The following C2CD3 variants were observed in gnomAD, a reference collection of about 807,000 sequenced individuals.
C2CD3 encodes C2 domain containing 3 centriole elongation regulator.
C2CD3 carries 148 observed loss-of-function variants against 234.0 expected under a neutral mutation model. The ratio of observed to expected loss-of-function variants is 0.63; its 90% CI spans 0.55 to 0.72. The LOEUF (loss-of-function observed/expected upper bound fraction) is 0.72. Among genes scored for constraint, C2CD3 ranks in the 30% least tolerant of loss-of-function variants. The probability of loss-of-function intolerance (pLI) is 0.00; values close to 1 mark genes in which losing one functional copy is unlikely to be tolerated. For missense variants in C2CD3, 2,577 were observed against 2,811.5 expected (o/e 0.92, Z 1.89); for synonymous variants, 1,000 against 1,035.4 (o/e 0.97, Z 0.66).
At chr11:74,117,498 C>G (rs905418213) in intron 9 of C2CD3, among the ~76,000 whole-genome samples, 4 of 149,952 alleles carry the variant, frequency 2.7e-5, no homozygotes, top group African/African-American at 9.8e-5. Context: ...AACAGAAAAC[C>G]AAATATCATA....
Position 74,064,507 on chromosome 11 carries a change from T to G in C2CD3, c.4952-6963A>C, listed in dbSNP as rs367991398. On this transcript the variant is annotated intron_variant, in intron 24 of 32. Coordinates refer to ENST00000334126, the MANE Select transcript of C2CD3 (RefSeq NM_001286577.2). ...AATGGCCATACTGCCCAAGGTAATT[T>G]ATAGATTCAATGCCATCCACATCAA... 2.9e-4 allele frequency among the ~76,000 whole-genome samples: 44 copies of G among 152,326 alleles called. No homozygotes were observed. In the South Asian group the frequency reaches 8.3e-3, roughly 29 times the overall value.
chr11:74,098,117 A>T lies in C2CD3; in HGVS notation c.2871T>A (p.Asn957Lys), dbSNP rs759325335. The T allele has an allele frequency of 1.4e-5, 23 of 1,613,940 alleles. No individual in the cohort carries two copies. The highest frequency in any genetic ancestry group is 1.9e-5 in the Non-Finnish European group (23 of 1,179,994). The change falls in exon 16 of 33, where the codon AAT (asparagine) becomes AAA (lysine). Residue 957 changes from asparagine (N) to lysine (K), a missense_variant. Coordinates refer to ENST00000334126, the MANE Select transcript of C2CD3 (RefSeq NM_001286577.2). ...LRVFLAMGSS[N>K]QIMALQRLKN... ...TTAATCTTTGTAGTGCCATTATTTG[A>T]TTTGAAGAACCCATAGCTAAAAAGA... is the stretch of plus-strand genomic sequence containing the variant.
chr11:74,033,879 GT>G lies in C2CD3; in HGVS notation c.6280del (p.Thr2094GlnfsTer137). 1 of 1,536,236 alleles carries G rather than the reference GT, an allele frequency of 6.5e-7. No individual in the cohort carries two copies. Among genetic ancestry groups the G allele is most frequent in the Non-Finnish European group, 8.7e-7 (1 of 1,146,934 alleles). ...AGGCTGAGGGCTGATGACCTCACTT[GT>G]GTCTGATATGACACTAGACCAAGGG... ...TSPWSSVISD[T>X]SEVISPQPDE... On this transcript the variant is annotated frameshift_variant, in exon 31 of 33. Transcript: ENST00000334126. LOFTEE classifies it high-confidence loss of function.
At chr11:74,048,093 T>C in intron 28 of C2CD3, 112 bp downstream of exon 28, 1 of 1,168,608 alleles carries the variant, frequency 8.6e-7, no homozygotes, top group Non-Finnish European at 1.2e-6. Flanking sequence ...TCAACAAAGC[T>C]CTTACCCTGT....
chr11:74,083,554 G>A (rs897402956), intron 22 of C2CD3, among the ~76,000 whole-genome samples: 1 of 152,074 alleles, frequency 6.6e-6, no homozygotes, highest in Admixed American at 6.6e-5. Context: ...CTGACAAAGG[G>A]CTAATATCCA....
chr11:74,041,633 C>T (rs932942934), intron 29 of C2CD3, among the ~76,000 whole-genome samples: 3 of 152,208 alleles, frequency 2.0e-5, no homozygotes, highest in Non-Finnish European at 4.4e-5. Flanking sequence ...GCTGATCTAG[C>T]TGATCTATCA....
intron 26 of C2CD3, among the ~76,000 whole-genome samples, chr11:74,053,124 G>A (rs555411766): frequency 1.3e-5 from 2 of 152,312 alleles, no homozygotes; most frequent in African/African-American, 4.8e-5. Flanking sequence ...TAAGAACTGG[G>A]TTCAAATACT....
At chr11:74,089,392 A>G (rs1199990552) in intron 20 of C2CD3, among the ~76,000 whole-genome samples, 2 of 152,258 alleles carry the variant, frequency 1.3e-5, no homozygotes, top group African/African-American at 4.8e-5. Context: ...CTGTCTTGAC[A>G]TCACCTTCAC....
intron 3 of C2CD3, among the ~76,000 whole-genome samples, chr11:74,156,418 A>C (rs1856023100): frequency 1.3e-5 from 2 of 148,390 alleles, no homozygotes; most frequent in African/African-American, 5.0e-5. Flanking sequence ...TTGAGATTGC[A>C]TCACTGTACT....
At position 74,100,602 on chromosome 11, in the gene C2CD3, A is replaced by C; in HGVS notation, c.2655T>G (p.Asn885Lys). 6.2e-7 allele frequency: 1 copy of C among 1,614,094 alleles called. No individual in the cohort carries two copies. ...TGTCCTGTCCTGGGCTCCGCACCTTATTCCAAGTTTCAATTACCATCACAT... is the reference window on the plus strand; with the variant it reads ...TGTCCTGTCCTGGGCTCCGCACCTTCTTCCAAGTTTCAATTACCATCACAT... ...KNNVMVIETWNKVRSPGQDKL... is the reference protein window; with the variant it reads ...KNNVMVIETWKKVRSPGQDKL... Residue 885 changes from asparagine (N) to lysine (K), a missense_variant, in exon 15 of 33, where the codon AAT becomes AAG. Asn to Lys is a moderately conservative substitution (Grantham distance 94). Transcript: ENST00000334126.
intron 15 of C2CD3, among the ~76,000 whole-genome samples, chr11:74,099,547 G>A (rs1311928230): frequency 6.6e-6 from 1 of 152,184 alleles, no homozygotes; most frequent in Non-Finnish European, 1.5e-5. Context: ...AAGGCTGCTA[G>A]GAAAGAGGTC....
chr11:74,150,492 C>CA (rs769668218), intron 3 of C2CD3, among the ~76,000 whole-genome samples: 732 of 15,726 alleles, frequency 0.047, 57 homozygotes, highest in Non-Finnish European at 0.064. Flanking sequence ...GACCCTGTCT[C>CA]AAAAAAAAAA....
At chr11:74,091,152 G>A in intron 19 of C2CD3, 1 of 430,312 alleles carries the variant, frequency 2.3e-6, no homozygotes. Flanking sequence ...AAGAAATTAT[G>A]GTTCAGAGAT....
chr11:74,126,774 T>C (rs148827383), intron 7 of C2CD3, among the ~76,000 whole-genome samples: 1,770 of 151,952 alleles, frequency 0.012, 33 homozygotes, highest in African/African-American at 0.041. Flanking sequence ...ACTAAATAAA[T>C]AAAGTGAGCA....
intron 29 of C2CD3, 75 bp downstream of exon 29, chr11:74,041,979 T>C (rs1310974897): frequency 6.9e-7 from 1 of 1,445,284 alleles, no homozygotes; most frequent in South Asian, 1.2e-5. Flanking sequence ...GGAAAAGCAG[T>C]AATGCACATT....
chr11:74,143,959 A>T (rs1199378412), intron 3 of C2CD3, among the ~76,000 whole-genome samples: 1 of 152,172 alleles, frequency 6.6e-6, no homozygotes. Context: ...TTGGTAGTTT[A>T]CAGTTTTTAA....
intron 22 of C2CD3, among the ~76,000 whole-genome samples, chr11:74,083,886 G>T (rs554115548): frequency 6.6e-6 from 1 of 152,242 alleles, no homozygotes; most frequent in East Asian, 1.9e-4. Context: ...ACAGTGTGGC[G>T]ATTCCTCAAG....
chr11:74,029,190 T>C (rs527662255), intron 31 of C2CD3, among the ~76,000 whole-genome samples: 1 of 152,346 alleles, frequency 6.6e-6, no homozygotes, highest in Non-Finnish European at 1.5e-5. Flanking sequence ...ATCAAATCAC[T>C]GATTCAGTTT....
Position 74,074,556 on chromosome 11 carries a change from C to A in C2CD3, c.4648G>T (p.Ala1550Ser). 6.2e-7 allele frequency: 1 copy of A among 1,614,126 alleles called. No individual in the cohort carries two copies. The highest frequency in any genetic ancestry group is 8.5e-7 in the Non-Finnish European group (1 of 1,179,990). ...AGAACCACATGAACTCGCAAGGCAG[C>A]TCCTGAGAGGTTGGAAGCATTTCGT... ...FGRNASNLSG[A>S]ALRVHVVLSS... Residue 1550 changes from alanine to serine, a missense_variant, in exon 24 of 33, where the codon GCT becomes TCT. Physicochemically the swap from Ala to Ser is moderately conservative, Grantham distance 99 (BLOSUM62 1). Coordinates refer to ENST00000334126, the MANE Select transcript of C2CD3 (RefSeq NM_001286577.2).
Sources: gnomAD v4.1 joint callset for allele counts (sites outside exome capture counted in the v4.1 genomes callset) on GRCh38, gnomAD v4.1.1 for gene constraint, MANE v1.5 for transcripts, NCBI Gene and HGNC (gene_info 2026-07-23, HGNC 2026-07-21) for gene names.